The following UBE2QL1 variants were observed in gnomAD, a reference collection of about 807,000 sequenced individuals.
UBE2QL1 encodes the protein ubiquitin-conjugating enzyme E2Q-like protein 1.
Under a neutral mutation model 12.6 loss-of-function variants are expected in UBE2QL1, and 5 were observed. That is an observed-to-expected ratio of 0.40 (90% CI 0.21 to 0.83). The LOEUF (loss-of-function observed/expected upper bound fraction) is 0.83, where lower values mean the gene tolerates loss of function less well. UBE2QL1 is among the 40% of genes least tolerant of loss of function. The pLI is 0.37. For missense variants in UBE2QL1, 99 were observed against 222.6 expected, an observed-to-expected ratio of 0.44 and a Z score of 3.53; for synonymous variants, 96 against 94.5, an observed-to-expected ratio of 1.02 and a Z score of -0.10.
At chr5:6,462,687 A>G (rs1209408653) in intron 1 of UBE2QL1, among the ~76,000 whole-genome samples, 1 of 152,186 alleles carries the variant, frequency 6.6e-6, no homozygotes, top group Non-Finnish European at 1.5e-5. Context: ...GGCCACCCTC[A>G]CTCAGCGTGC....
chr5:6,460,307 G>C (rs947841918), intron 1 of UBE2QL1, among the ~76,000 whole-genome samples: 1 of 152,210 alleles, frequency 6.6e-6, no homozygotes, highest in Admixed American at 6.5e-5. Flanking sequence ...TAGGTAAGGT[G>C]ATCAATAGAT....
chr5:6,468,128 G>A (rs187356389), intron 1 of UBE2QL1, among the ~76,000 whole-genome samples: 52 of 152,078 alleles, frequency 3.4e-4, no homozygotes, highest in African/African-American at 1.2e-3. Context: ...AACCTCCCCC[G>A]TCCCTGTTCT....
At chr5:6,471,005 A>G (rs1367184669) in intron 1 of UBE2QL1, among the ~76,000 whole-genome samples, 1 of 152,196 alleles carries the variant, frequency 6.6e-6, no homozygotes, top group Non-Finnish European at 1.5e-5. Flanking sequence ...CTGGCATAGC[A>G]TATCTCATCT....
chr5:6,495,244 C>G lies in UBE2QL1; in HGVS notation c.*3895C>G, dbSNP rs1214951950. 6.6e-6 allele frequency among the ~76,000 whole-genome samples: 1 copy of G among 152,196 alleles called. No individual in the cohort carries two copies. Among genetic ancestry groups the G allele is most frequent in the African/African-American group, 2.4e-5 (1 of 41,458 alleles). ...TTTCAGGAAGCAGGACACGGTCCCA[C>G]CTGACAGCCTAGCCTGGCGTGTGGA... is the stretch of plus-strand genomic sequence containing the variant. On this transcript the variant is annotated 3_prime_UTR_variant, in exon 2 of 2. Coordinates refer to ENST00000399816, the MANE Select transcript of UBE2QL1 (RefSeq NM_001145161.3).
chr5:6,467,131 T>C (rs1018018324), intron 1 of UBE2QL1, among the ~76,000 whole-genome samples: 3 of 152,148 alleles, frequency 2.0e-5, no homozygotes, highest in Non-Finnish European at 4.4e-5. Flanking sequence ...CTGTGTAAAT[T>C]CATTCTCTTC....
chr5:6,479,546 T>C lies in UBE2QL1; in HGVS notation c.355-11672T>C, dbSNP rs1443580074. Among the ~76,000 whole-genome samples, 1 of 152,158 alleles carries C rather than the reference T, an allele frequency of 6.6e-6. No individual in the cohort carries two copies. The highest frequency in any genetic ancestry group is 1.5e-5 in the Non-Finnish European group (1 of 68,030). The stretch of plus-strand genomic sequence containing the variant: ...GCAAATGAAGAGGTGCTGATGTCTG[T>C]ATCCTCCGGTGAGTCTGTCCATCAT... On this transcript the variant is annotated intron_variant, in intron 1 of 1. Transcript: ENST00000399816. The surrounding 1 kb of genome is among the most constrained non-coding windows in gnomAD (Gnocchi z 4.2).
intron 1 of UBE2QL1, among the ~76,000 whole-genome samples, chr5:6,464,789 G>T (rs907526400): frequency 6.6e-6 from 1 of 152,172 alleles, no homozygotes; most frequent in Non-Finnish European, 1.5e-5. Flanking sequence ...TTTGGACTTA[G>T]AGTGCAGCTA....
In UBE2QL1 at chr5:6,470,268, T is replaced by G. The variant is rs138394433; in HGVS notation, c.355-20950T>G. On this transcript the variant is annotated intron_variant, in intron 1 of 1. Transcript: ENST00000399816. ...GCCAATTATATAATGCTATGATTGC[T>G]CTTACTATTACTATTATCATTTTAC... 1.6e-3 allele frequency among the ~76,000 whole-genome samples: 241 copies of G among 152,342 alleles called. 1 individual carries two copies. Among genetic ancestry groups the G allele is most frequent in the Admixed American group, 2.8e-3 (43 of 15,306 alleles).
intron 1 of UBE2QL1, among the ~76,000 whole-genome samples, chr5:6,473,426 A>G (rs1169190384): frequency 6.6e-6 from 1 of 152,178 alleles, no homozygotes; most frequent in Non-Finnish European, 1.5e-5. Context: ...TGAGGGGAGC[A>G]TGTCAGCATC....
rs200680109 is a variant in UBE2QL1, at chr5:6,488,457, C to CAA, written c.355-2747_355-2746dup. On this transcript the variant is annotated intron_variant, in intron 1 of 1. Transcript: ENST00000399816. Reference sequence around the variant, plus strand: ...AGATGGTTAAAATATGCATTTTCGCCAAAAAAAAAAAAAAATCAACCCTTG... The same window carrying CAA: ...AGATGGTTAAAATATGCATTTTCGCCAAAAAAAAAAAAAAAAATCAACCCTTG... Among the ~76,000 whole-genome samples the CAA allele has an allele frequency of 7.6e-3, 1,059 of 139,514 alleles. 6 individuals carry two copies. The highest frequency in any genetic ancestry group is 0.024 in the South Asian group (107 of 4,382). The allele number at this position is 139,514 out of a possible 152,430, so 91.5% of individuals were successfully genotyped here.
chr5:6,456,766 G>T (rs76823930), intron 1 of UBE2QL1, among the ~76,000 whole-genome samples: 13,268 of 152,082 alleles, frequency 0.087, 1,022 homozygotes, highest in East Asian at 0.37. Flanking sequence ...AAGGACACCG[G>T]ACTGGGAGAG....
At chr5:6,463,848 C>A (rs189474547) in intron 1 of UBE2QL1, among the ~76,000 whole-genome samples, 1 of 151,922 alleles carries the variant, frequency 6.6e-6, no homozygotes, top group Non-Finnish European at 1.5e-5. Context: ...AAGATGATGT[C>A]GATCTCCTGA....
rs573181759 is a variant in UBE2QL1 at position 6,495,963 on chromosome 5, C to A, written c.*4614C>A. Among the ~76,000 whole-genome samples, 1 of 152,282 alleles carries A rather than the reference C, an allele frequency of 6.6e-6. No individual in the cohort carries two copies. Among genetic ancestry groups the A allele is most frequent in the South Asian group, 2.1e-4 (1 of 4,822 alleles). On this transcript the variant is annotated 3_prime_UTR_variant, in exon 2 of 2. Coordinates refer to ENST00000399816, the MANE Select transcript of UBE2QL1 (RefSeq NM_001145161.3). Reference sequence around the variant, plus strand: ...CAAACTCTGTTGACATTCGGGAAAGCAATAAGTAATGTTAGTTTGGTTCCA... The same window carrying A: ...CAAACTCTGTTGACATTCGGGAAAGAAATAAGTAATGTTAGTTTGGTTCCA...
intron 1 of UBE2QL1, among the ~76,000 whole-genome samples, chr5:6,485,845 T>A (rs1245188658): frequency 6.6e-6 from 1 of 152,248 alleles, no homozygotes; most frequent in Non-Finnish European, 1.5e-5. Context: ...ATTAATGTAT[T>A]AATGTCAACC....
At chr5:6,472,656 A>G (rs1739939266) in intron 1 of UBE2QL1, among the ~76,000 whole-genome samples, 1 of 152,120 alleles carries the variant, frequency 6.6e-6, no homozygotes, top group Non-Finnish European at 1.5e-5. Flanking sequence ...CAATTTTCAG[A>G]AAATTTTTCT....
chr5:6,463,539 G>A (rs909915869), intron 1 of UBE2QL1, among the ~76,000 whole-genome samples: 25 of 151,826 alleles, frequency 1.6e-4, no homozygotes, highest in Non-Finnish European at 3.2e-4. Flanking sequence ...CAGCAGGACC[G>A]GGAGCGAGAC....
intron 1 of UBE2QL1, among the ~76,000 whole-genome samples, chr5:6,480,931 T>G (rs550967880): frequency 1.7e-4 from 26 of 152,274 alleles, no homozygotes; most frequent in Middle Eastern, 6.8e-3. Flanking sequence ...CATAAACCTC[T>G]GGGGGTTACA....
Position 6,479,969 on chromosome 5 carries a change from G to A in UBE2QL1, c.355-11249G>A, listed in dbSNP as rs758752442. 2.2e-4 allele frequency among the ~76,000 whole-genome samples: 33 copies of A among 152,236 alleles called. No homozygotes were observed. Among genetic ancestry groups the A allele is most frequent in the Non-Finnish European group, 3.5e-4 (24 of 68,038 alleles). ...AAACCATGTGGCAAATGACAGGATG[G>A]CTGGCCAGGAGCTCCCTGTTGAGAT... On this transcript the variant is annotated intron_variant, in intron 1 of 1. Coordinates refer to ENST00000399816, the MANE Select transcript of UBE2QL1 (RefSeq NM_001145161.3). The surrounding 1 kb of genome is among the most constrained non-coding windows in gnomAD (Gnocchi z 4.2).
intron 1 of UBE2QL1, among the ~76,000 whole-genome samples, chr5:6,486,162 A>G (rs999625006): frequency 1.3e-5 from 2 of 152,220 alleles, no homozygotes; most frequent in African/African-American, 4.8e-5. Flanking sequence ...TAATACTATT[A>G]TAATGCTTAT....
Sources: gnomAD v4.1 joint callset for allele counts (sites outside exome capture counted in the v4.1 genomes callset) on GRCh38, gnomAD v4.1.1 for gene constraint, Gnocchi (gnomAD v3.1) non-coding constraint, MANE v1.5 for transcripts, NCBI Gene and HGNC (gene_info 2026-07-23, HGNC 2026-07-21) for gene names.